Variants in NEK9 observed in about 807,000 individuals in gnomAD.
The protein encoded by NEK9 is serine/threonine-protein kinase Nek9.
A neutral mutation model predicts 123.4 loss-of-function variants in NEK9; 75 were observed. That is an observed-to-expected ratio of 0.61 (90% CI 0.50 to 0.74). The LOEUF is 0.74. Ranked by LOEUF, NEK9 falls within the 30% of genes least tolerant of loss-of-function variation. The pLI is 0.00. For missense variants in NEK9, 952 were observed against 1,214.4 expected (o/e 0.78, Z 3.21); for synonymous variants, 438 against 458.7 (o/e 0.95, Z 0.58).
intron 6 of NEK9, 57 bp downstream of exon 6, chr14:75,117,138 C>T: frequency 6.4e-7 from 1 of 1,566,924 alleles, no homozygotes; most frequent in East Asian, 2.3e-5. Context: ...TCTGCTTAGT[C>T]AAGCTGTACC....
In NEK9 at chr14:75,117,129, C is replaced by T. The variant is rs773028176; in HGVS notation, c.762+66G>A. 12 of 1,526,770 alleles carry T rather than the reference C, an allele frequency of 7.9e-6. 1 individual carries two copies. The African/African-American group carries it at 1.5e-4, about 19-fold the overall frequency. The allele number at this position is 1,526,770 out of a possible 1,614,324, so 94.6% of individuals were successfully genotyped here. ...TCAGAAGCCTGGGAATAGAGTTGAT[C>T]TGCTTAGTCAAGCTGTACCATTTGC... is the stretch of plus-strand genomic sequence containing the variant. On this transcript the variant is annotated intron_variant, in intron 6 of 21. Transcript: ENST00000238616.
intron 5 of NEK9, among the ~76,000 whole-genome samples, chr14:75,118,203 T>A (rs1430626058): frequency 6.6e-6 from 1 of 152,088 alleles, no homozygotes; most frequent in Non-Finnish European, 1.5e-5. Context: ...ACCTTGACAT[T>A]ATTAAAAAAA....
rs760666898 is a variant in NEK9, at chr14:75,106,688, A to G, written c.1342T>C (p.Tyr448His). 1.6e-5 allele frequency: 26 copies of G among 1,611,700 alleles called. No homozygotes were observed. The Admixed American group carries it at 4.3e-4, about 27-fold the overall frequency. The change falls in exon 12 of 22, where the codon TAT (tyrosine) becomes CAT (histidine). Residue 448 changes from tyrosine (Y) to histidine (H), a missense_variant. Physicochemically the swap from Tyr to His is moderately conservative, Grantham distance 83. Coordinates refer to ENST00000238616, the MANE Select transcript of NEK9 (RefSeq NM_033116.6). ...CCATAATAATCTGATCCGAAGGCAT[A>G]GAGCTGACCCTCATCTGCAAAAGAA... ...TVCVTDEGQL[Y>H]AFGSDYYGCM...
intron 6 of NEK9, 102 bp downstream of exon 6, chr14:75,117,093 T>C: frequency 1.5e-6 from 2 of 1,351,352 alleles, no homozygotes; most frequent in Non-Finnish European, 2.0e-6. Context: ...ACAGGTTATT[T>C]TTGCCAGAAA....
At position 75,081,384 on chromosome 14, in the gene NEK9, A is replaced by G. The variant is rs1893865357; in HGVS notation, c.*3180T>C. On this transcript the variant is annotated 3_prime_UTR_variant, in exon 22 of 22. Coordinates refer to ENST00000238616, the MANE Select transcript of NEK9 (RefSeq NM_033116.6). This position sits in a 1 kb window ranked among gnomAD's most constrained non-coding sequence, Gnocchi z 4.2. Reference sequence around the variant, plus strand: ...GTGACATAGTGGAGTTTTTCTCCCTAATGTTCATCATTCTGTGAGGTTTAA... The same window carrying G: ...GTGACATAGTGGAGTTTTTCTCCCTGATGTTCATCATTCTGTGAGGTTTAA... The G allele has an allele frequency of 6.6e-6, 1 of 152,200 alleles. No individual in the cohort carries two copies. The highest frequency in any genetic ancestry group is 2.4e-5 in the African/African-American group (1 of 41,444). 9.4% of individuals were successfully genotyped at this position (152,200 alleles called of 1,614,324 possible). A position where few individuals can be genotyped will look rare whatever the true frequency, so the allele number is the denominator to read the frequency against.
chr14:75,106,368 A>G lies in NEK9; in HGVS notation c.1528+134T>C, dbSNP rs1412449980. The G allele has an allele frequency of 1.6e-5, 10 of 621,652 alleles. No homozygotes were observed. In the Admixed American group the frequency reaches 3.2e-4, roughly 20 times the overall value. The allele number at this position is 621,652 out of a possible 1,614,324, so 38.5% of individuals were successfully genotyped here. ...AGAGAGACTCTGTCTCGAGAAAAAAAAAAAAAAAAAAAAAAAAGATTTACT... is the reference window on the plus strand; with the variant it reads ...AGAGAGACTCTGTCTCGAGAAAAAAGAAAAAAAAAAAAAAAAAGATTTACT... On this transcript the variant is annotated intron_variant, in intron 12 of 21. Transcript: ENST00000238616.
At chr14:75,101,454 G>C (rs964189745) in intron 15 of NEK9, among the ~76,000 whole-genome samples, 1 of 152,162 alleles carries the variant, frequency 6.6e-6, no homozygotes, top group African/African-American at 2.4e-5. Context: ...TGGAATCATA[G>C]GTGTGGTGTT....
intron 10 of NEK9, among the ~76,000 whole-genome samples, chr14:75,108,499 A>ATGTGTG (rs1566652647): frequency 7.5e-6 from 1 of 133,690 alleles, no homozygotes; most frequent in African/African-American, 2.9e-5. Flanking sequence ...TTATATATAT[A>ATGTGTG]TGTGTGTGCG....
At chr14:75,121,287 T>A in intron 2 of NEK9, 113 bp from the exon 3 acceptor site, 1 of 705,446 alleles carries the variant, frequency 1.4e-6, no homozygotes, top group Non-Finnish European at 2.4e-6. Flanking sequence ...TTTCTCTCCA[T>A]AGGCAACTAC....
chr14:75,110,270 C>T (rs1894916485), intron 9 of NEK9, 51 bp downstream of exon 9: 1 of 1,415,222 alleles, frequency 7.1e-7, no homozygotes, highest in Non-Finnish European at 9.9e-7. Context: ...GAAAGAACCC[C>T]CTGGTTGTAA....
rs562039507 is a variant in NEK9 at position 75,110,548 on chromosome 14, A to G, written c.939-177T>C. Among the ~76,000 whole-genome samples, 25 of 152,294 alleles carry G rather than the reference A, an allele frequency of 1.6e-4. No homozygotes were observed. In the South Asian group the frequency reaches 5.2e-3, roughly 32 times the overall value. ...CTCAAAACAGTTATATAGTCCTTTC[A>G]TTAGACAATTCATTAAATACCCAAA... On this transcript the variant is annotated intron_variant, in intron 8 of 21. Transcript: ENST00000238616.
At chr14:75,119,666 TA>T (rs1895259527) in intron 4 of NEK9, among the ~76,000 whole-genome samples, 1 of 152,198 alleles carries the variant, frequency 6.6e-6, no homozygotes, top group Non-Finnish European at 1.5e-5. Flanking sequence ...AAGTTTCAAA[TA>T]ATCTGTTAAG....
In NEK9 at chr14:75,083,881, G is replaced by T. The variant is rs11159116; in HGVS notation, c.*683C>A. Reference sequence around the variant, plus strand: ...GCCTGAAACACCAGCTGTGTGATGAGGAGGGTCCTGCCCTTTCTCTATTCC... The same window carrying T: ...GCCTGAAACACCAGCTGTGTGATGATGAGGGTCCTGCCCTTTCTCTATTCC... On this transcript the variant is annotated 3_prime_UTR_variant, in exon 22 of 22. Coordinates refer to ENST00000238616, the MANE Select transcript of NEK9 (RefSeq NM_033116.6). 69,421 of 152,076 alleles carry T rather than the reference G, an allele frequency of 0.46. 16,911 individuals carry two copies. Among genetic ancestry groups the T allele is most frequent in the East Asian group, 0.82 (4,219 of 5,174 alleles). The allele number at this position is 152,076 out of a possible 1,614,324, so 9.4% of individuals were successfully genotyped here. A position where few individuals can be genotyped will look rare whatever the true frequency, so the allele number is the denominator to read the frequency against.
In NEK9 at chr14:75,109,867, C is replaced by T; in HGVS notation, c.1000G>A (p.Val334Met). The change falls in exon 10 of 22, where the codon GTG (valine) becomes ATG (methionine). Residue 334 changes from valine to methionine, a missense_variant. Val to Met is a conservative substitution (Grantham distance 21). Transcript: ENST00000238616. ...ACTACAGCAATGGGTGCTTCAGTCA[C>T]AGTGCTTGACCTGCCAACAACCCCC... ...APTKRPRSST[V>M]TEAPIAVVTS... 1 of 1,608,314 alleles carries T rather than the reference C, an allele frequency of 6.2e-7. No homozygotes were observed. Among genetic ancestry groups the T allele is most frequent in the South Asian group, 1.1e-5 (1 of 90,678 alleles).
intron 21 of NEK9, chr14:75,086,773 G>A: frequency 2.3e-6 from 1 of 425,906 alleles, no homozygotes; most frequent in Non-Finnish European, 4.4e-6. Context: ...GGGCATGGTG[G>A]TGCACACCTG....
At chr14:75,113,467 G>T in intron 7 of NEK9, 64 bp from the exon 8 acceptor site, 1 of 1,184,650 alleles carries the variant, frequency 8.4e-7, no homozygotes, top group Non-Finnish European at 1.2e-6. Flanking sequence ...ATCTAAAGAT[G>T]TTAATTAGTC....
upstream of NEK9, chr14:75,127,097 C>G: frequency 1.8e-6 from 1 of 552,992 alleles, no homozygotes. Context: ...TCCGGCCTGG[C>G]TGAGTTTCCT....
chr14:75,084,503 G>GT lies in NEK9; in HGVS notation c.*60dup. 2.5e-6 allele frequency: 4 copies of GT among 1,597,840 alleles called. No individual in the cohort carries two copies. The highest frequency in any genetic ancestry group is 1.7e-6 in the Non-Finnish European group (2 of 1,168,526). Reference sequence around the variant, plus strand: ...CCAGGAAAGCTGCTCTCTGCATTCGGTAAGTGTGCTGTGAAGTTCTTTGGG... The same window carrying GT: ...CCAGGAAAGCTGCTCTCTGCATTCGGTTAAGTGTGCTGTGAAGTTCTTTGGG... On this transcript the variant is annotated 3_prime_UTR_variant, in exon 22 of 22. Coordinates refer to ENST00000238616, the MANE Select transcript of NEK9 (RefSeq NM_033116.6).
chr14:75,104,735 G>A (rs1489582621), intron 13 of NEK9, among the ~76,000 whole-genome samples: 4 of 152,080 alleles, frequency 2.6e-5, no homozygotes, highest in Non-Finnish European at 4.4e-5. Flanking sequence ...TGCCCGCCTC[G>A]GCCTCCCAAA....
Sources: gnomAD v4.1 joint callset for allele counts (sites outside exome capture counted in the v4.1 genomes callset) on GRCh38, gnomAD v4.1.1 for gene constraint, Gnocchi (gnomAD v3.1) non-coding constraint, MANE v1.5 for transcripts, NCBI Gene and HGNC (gene_info 2026-07-23, HGNC 2026-07-21) for gene names.